WNT16: variants seen among roughly 807,000 people sequenced by gnomAD.
WNT16 encodes the protein protein Wnt-16.
A neutral mutation model predicts 35.4 loss-of-function variants in WNT16; 20 were observed. The observed-to-expected ratio is 0.56, with a 90% CI of 0.40 to 0.82. WNT16 has a LOEUF of 0.82. Ranked by LOEUF, WNT16 falls within the 40% of genes least tolerant of loss-of-function variation. WNT16 has a pLI of 0.00. For synonymous variants in WNT16, 180 were observed against 179.2 expected, an observed-to-expected ratio of 1.00 and a Z score of -0.03; for missense variants, 461 against 466.0, an observed-to-expected ratio of 0.99 and a Z score of 0.10.
chr7:121,334,570 A>G (rs1044941641), intron 3 of WNT16, among the ~76,000 whole-genome samples: 1 of 152,074 alleles, frequency 6.6e-6, no homozygotes, highest in African/African-American at 2.4e-5. Context: ...TGATTTTCTT[A>G]GCCTCAAAAT....
At position 121,339,237 on chromosome 7, in the gene WNT16, C is replaced by T. The variant is rs377683444; in HGVS notation, c.990C>T (p.Asn330=). Residue 330 remains asparagine (N), a synonymous_variant, in exon 4 of 4, where the codon AAC becomes AAT. Transcript: ENST00000222462. ...TCCTCTGCTGTGGCCGAGGTTACAACACCCATGTGGTCAGGCACGTGGAGA... is the reference window on the plus strand; with the variant it reads ...TCCTCTGCTGTGGCCGAGGTTACAATACCCATGTGGTCAGGCACGTGGAGA... ...CNLLCCGRGY[N]THVVRHVERC... The T allele has an allele frequency of 3.1e-6, 5 of 1,614,198 alleles. No individual in the cohort carries two copies. Among genetic ancestry groups the T allele is most frequent in the Non-Finnish European group, 4.2e-6 (5 of 1,180,028 alleles).
chr7:121,330,159 G>C (rs1361624013), intron 2 of WNT16, among the ~76,000 whole-genome samples: 1 of 152,252 alleles, frequency 6.6e-6, no homozygotes, highest in South Asian at 2.1e-4. Context: ...ACCAGCTGGA[G>C]AAACATGATG....
chr7:121,331,742 G>A lies in WNT16; in HGVS notation c.411G>A (p.Arg137=). The change falls in exon 3 of 4, where the codon AGG becomes AGA. Residue 137 remains arginine, a synonymous_variant. Transcript: ENST00000222462. ...MAAGLVHSVT[R]SCSAGNMTEC... ...CAGGCCTGGTGCATTCTGTGACCAG[G>A]TCATGCAGTGCAGGCAACATGACAG... 1 of 1,614,202 alleles carries A rather than the reference G, an allele frequency of 6.2e-7. No individual in the cohort carries two copies. The highest frequency in any genetic ancestry group is 8.5e-7 in the Non-Finnish European group (1 of 1,180,034).
chr7:121,330,657 C>A (rs915735738), intron 2 of WNT16, among the ~76,000 whole-genome samples: 4 of 151,690 alleles, frequency 2.6e-5, no homozygotes, highest in Admixed American at 2.6e-4. Context: ...CCGCGCACCT[C>A]CCCCGCGGCG....
In WNT16 at chr7:121,339,531, T is replaced by C. The variant is rs1562878137; in HGVS notation, c.*186T>C. On this transcript the variant is annotated 3_prime_UTR_variant, in exon 4 of 4. Transcript: ENST00000222462. The stretch of plus-strand genomic sequence containing the variant: ...CTTTATCTGATCAACCCATCAATCA[T>C]GTGGATTTCTTGGGATTCTAATGTT... The C allele has an allele frequency of 5.4e-6, 3 of 555,898 alleles. No individual in the cohort carries two copies. Among genetic ancestry groups the C allele is most frequent in the Non-Finnish European group, 6.3e-6 (2 of 317,056 alleles). 34.4% of individuals were successfully genotyped at this position (555,898 alleles called of 1,614,324 possible). A position where few individuals can be genotyped will look rare whatever the true frequency, so the allele number is the denominator to read the frequency against.
chr7:121,329,153 C>G lies in WNT16; in HGVS notation c.-140C>G. On this transcript the variant is annotated 5_prime_UTR_variant, in exon 1 of 4. Coordinates refer to ENST00000222462, the MANE Select transcript of WNT16 (RefSeq NM_057168.2). ...AAGCTGCTGAGAGTCCCTATCACTG[C>G]TGGCCTTTTAATGTTGTATGCAAGG... 7.1e-7 allele frequency: 1 copy of G among 1,417,952 alleles called. No individual in the cohort carries two copies. Among genetic ancestry groups the G allele is most frequent in the South Asian group, 1.6e-5 (1 of 62,784 alleles). The allele number at this position is 1,417,952 out of a possible 1,614,324, so 87.8% of individuals were successfully genotyped here. A position where few individuals can be genotyped will look rare whatever the true frequency, so the allele number is the denominator to read the frequency against.
chr7:121,339,046 A>G lies in WNT16; in HGVS notation c.799A>G (p.Met267Val), dbSNP rs775750251. Residue 267 changes from methionine (M) to valine (V), a missense_variant, in exon 4 of 4, where the codon ATG becomes GTG. Coordinates refer to ENST00000222462, the MANE Select transcript of WNT16 (RefSeq NM_057168.2). ...IQISDKTKRKMRRREKDQRKI... is the reference protein window; with the variant it reads ...IQISDKTKRKVRRREKDQRKI... ...GATATCAGACAAAACAAAGAGGAAA[A>G]TGCGCAGGAGAGAAAAAGATCAGAG... 3.1e-5 allele frequency: 50 copies of G among 1,614,054 alleles called. No homozygotes were observed. Among genetic ancestry groups the G allele is most frequent in the South Asian group, 6.6e-5 (6 of 91,090 alleles).
chr7:121,332,356 G>A (rs1398335622), intron 3 of WNT16, among the ~76,000 whole-genome samples: 11 of 152,062 alleles, frequency 7.2e-5, no homozygotes, highest in Non-Finnish European at 1.5e-4. Flanking sequence ...ACTGATATGA[G>A]TTAAACCGTG....
intron 1 of WNT16, 46 bp from the exon 2 acceptor site, chr7:121,329,521 T>A (rs199797333): frequency 1.2e-6 from 2 of 1,605,094 alleles, no homozygotes; most frequent in African/African-American, 1.3e-5. Flanking sequence ...GGAAAACATC[T>A]GGAATTGGGG....
upstream of WNT16, chr7:121,328,988 C>A (rs1300524541): frequency 3.8e-5 from 42 of 1,111,372 alleles, no homozygotes; most frequent in Non-Finnish European, 4.4e-5. Context: ...GCGATGGAGA[C>A]GCGGATACAT....
chr7:121,335,235 C>T (rs1036857150), intron 3 of WNT16, among the ~76,000 whole-genome samples: 8 of 152,054 alleles, frequency 5.3e-5, no homozygotes, highest in African/African-American at 9.7e-5. Flanking sequence ...GAAAAACAAT[C>T]GCCAACTGCC....
chr7:121,339,141 G>C lies in WNT16; in HGVS notation c.894G>C (p.Lys298Asn). Reference sequence around the variant, plus strand: ...CTCCCAACTACTGTGTAGAAGATAAGAAACTGGGAATCCCAGGGACACAAG... The same window carrying C: ...CTCCCAACTACTGTGTAGAAGATAACAAACTGGGAATCCCAGGGACACAAG... ...NKSPNYCVED[K>N]KLGIPGTQGR... Residue 298 changes from lysine to asparagine, a missense_variant, in exon 4 of 4, where the codon AAG becomes AAC. Lys to Asn is a moderately conservative substitution (Grantham distance 94, BLOSUM62 0). Transcript: ENST00000222462. The C allele has an allele frequency of 1.2e-6, 2 of 1,614,200 alleles. No individual in the cohort carries two copies. The highest frequency in any genetic ancestry group is 1.7e-6 in the Non-Finnish European group (2 of 1,180,040).
chr7:121,334,791 G>A (rs777854034), intron 3 of WNT16, among the ~76,000 whole-genome samples: 2 of 152,090 alleles, frequency 1.3e-5, no homozygotes, highest in Non-Finnish European at 2.9e-5. Context: ...TCCAGGGGCA[G>A]AACTTCTGGG....
In WNT16 at chr7:121,339,309, G is replaced by A. The variant is rs1793495626; in HGVS notation, c.1062G>A (p.Arg354=). 3.1e-6 allele frequency: 5 copies of A among 1,613,630 alleles called. No individual in the cohort carries two copies. The highest frequency in any genetic ancestry group is 4.2e-6 in the Non-Finnish European group (5 of 1,179,964). ...FIWCCYVRCR[R]CESMTDVHTC... ...GGTGCTGCTATGTCCGTTGCAGGAG[G>A]TGTGAAAGCATGACTGATGTCCACA... The change falls in exon 4 of 4, where the codon AGG becomes AGA. Residue 354 remains arginine, a synonymous_variant. Coordinates refer to ENST00000222462, the MANE Select transcript of WNT16 (RefSeq NM_057168.2).
upstream of WNT16, among the ~76,000 whole-genome samples, chr7:121,326,591 A>G (rs1295692277): frequency 6.6e-6 from 1 of 151,900 alleles, no homozygotes; most frequent in East Asian, 1.9e-4. Context: ...TCTCCTCCCC[A>G]CTCTGATCCC....
At position 121,340,158 on chromosome 7, in the gene WNT16, G is replaced by A. The variant is rs931002842; in HGVS notation, c.*813G>A. On this transcript the variant is annotated 3_prime_UTR_variant, in exon 4 of 4. Coordinates refer to ENST00000222462, the MANE Select transcript of WNT16 (RefSeq NM_057168.2). ...AAACCCACCTCTGAGATACTGGGGG[G>A]AGGATCCTGAAACATGCGGGAAAAG... 6.6e-6 allele frequency: 1 copy of A among 152,140 alleles called. No homozygotes were observed. The highest frequency in any genetic ancestry group is 1.5e-5 in the Non-Finnish European group (1 of 68,006). The allele number at this position is 152,140 out of a possible 1,614,324, so 9.4% of individuals were successfully genotyped here. A position where few individuals can be genotyped will look rare whatever the true frequency, so the allele number is the denominator to read the frequency against.
intron 2 of WNT16, among the ~76,000 whole-genome samples, chr7:121,330,993 T>A (rs1169143650): frequency 6.6e-6 from 1 of 152,238 alleles, no homozygotes; most frequent in Non-Finnish European, 1.5e-5. Context: ...TCAATATTTT[T>A]AATAGAATTA....
intron 3 of WNT16, 119 bp downstream of exon 3, chr7:121,332,083 G>C: frequency 3.4e-6 from 4 of 1,191,220 alleles, no homozygotes; most frequent in African/African-American, 1.5e-5. Context: ...GCCCTCAAGT[G>C]GGATCCTGAA....
chr7:121,326,082 G>A (rs1402828582), upstream of WNT16, among the ~76,000 whole-genome samples: 1 of 147,248 alleles, frequency 6.8e-6, no homozygotes, highest in Admixed American at 6.7e-5. Flanking sequence ...GCCTCTAAAG[G>A]TTGATTGTTT....
Sources: gnomAD v4.1 joint callset for allele counts (sites outside exome capture counted in the v4.1 genomes callset) on GRCh38, gnomAD v4.1.1 for gene constraint, MANE v1.5 for transcripts, NCBI Gene and HGNC (gene_info 2026-07-23, HGNC 2026-07-21) for gene names.